The following PPIL2 variants were observed in gnomAD, a reference collection of about 807,000 sequenced individuals.
PPIL2 encodes the protein peptidylprolyl isomerase like 2.
PPIL2 carries 50 observed loss-of-function variants against 75.2 expected under a neutral mutation model. That is an observed-to-expected ratio of 0.66 (90% CI 0.53 to 0.84). The LOEUF (loss-of-function observed/expected upper bound fraction) is 0.84. Among genes scored for constraint, PPIL2 ranks in the 40% least tolerant of loss-of-function variants. The pLI, the probability that PPIL2 is intolerant of heterozygous loss-of-function variation, is 0.00. For missense variants in PPIL2, 590 were observed against 685.0 expected, an observed-to-expected ratio of 0.86 and a Z score of 1.55; for synonymous variants, 245 against 258.8, an observed-to-expected ratio of 0.95 and a Z score of 0.51.
In PPIL2 at chr22:21,692,611, G is replaced by A. The variant is rs967153538; in HGVS notation, c.1140-1205G>A. On this transcript the variant is annotated intron_variant, in intron 15 of 19. Transcript: ENST00000398831. ...TTAGATGTTTTACTTCTGGTCTAAG[G>A]TTAAGAAGGACATCTATTTAAAGTC... Among the ~76,000 whole-genome samples, 4 of 151,468 alleles carry A rather than the reference G, an allele frequency of 2.6e-5. No homozygotes were observed. The East Asian group carries it at 7.8e-4, about 30-fold the overall frequency.
chr22:21,694,553 C>T, intron 16 of PPIL2, 40 bp from the exon 17 acceptor site: 3 of 1,610,028 alleles, frequency 1.9e-6, no homozygotes, highest in Non-Finnish European at 2.5e-6. Context: ...GGGTGCCCTC[C>T]TTGAGCACAC....
intron 6 of PPIL2, among the ~76,000 whole-genome samples, chr22:21,679,914 C>G: frequency 6.6e-6 from 1 of 151,232 alleles, no homozygotes; most frequent in Admixed American, 6.6e-5. Context: ...GGTGAAACCC[C>G]GTCTCTACTA....
At position 21,687,522 on chromosome 22, in the gene PPIL2, C is replaced by G; in HGVS notation, c.898-121C>G. 4 of 708,334 alleles carry G rather than the reference C, an allele frequency of 5.6e-6. No individual in the cohort carries two copies. The South Asian group carries it at 7.3e-5, about 13-fold the overall frequency. 43.9% of individuals were successfully genotyped at this position (708,334 alleles called of 1,614,324 possible). On this transcript the variant is annotated intron_variant, in intron 12 of 19. Transcript: ENST00000398831. ...GAGCCAAGATCGCGCCACAGCACTC[C>G]AGCCTGGGCAACAGCAAGACTCCAC...
At chr22:21,692,418 T>C (rs1055130415) in intron 15 of PPIL2, among the ~76,000 whole-genome samples, 21 of 151,806 alleles carry the variant, frequency 1.4e-4, no homozygotes, top group Non-Finnish European at 2.8e-4. Flanking sequence ...CCTCCCAAAG[T>C]GCTGGGATTA....
At position 21,684,835 on chromosome 22, in the gene PPIL2, C is replaced by T. The variant is rs2067289237; in HGVS notation, c.636C>T (p.Tyr212=). 1.2e-6 allele frequency: 2 copies of T among 1,614,138 alleles called. No individual in the cohort carries two copies. Among genetic ancestry groups the T allele is most frequent in the East Asian group, 2.2e-5 (1 of 44,878 alleles). Residue 212 remains tyrosine (Y), a synonymous_variant, in exon 10 of 20, where the codon TAC becomes TAT. Transcript: ENST00000398831. ...CCCGAGAGACCCTGCAGGAGCTCTA[C>T]AAGGAGTTCAAAGGGGACGAGATTC... ...AETRETLQEL[Y]KEFKGDEILA...
At chr22:21,666,670 G>A (rs1275456177) in intron 1 of PPIL2, among the ~76,000 whole-genome samples, 2 of 152,044 alleles carry the variant, frequency 1.3e-5, no homozygotes, top group East Asian at 3.9e-4. Flanking sequence ...TTAGCGGGGC[G>A]TGGTGACGGG....
chr22:21,686,709 G>T (rs2067378024), intron 11 of PPIL2, 151 bp downstream of exon 11: 2 of 1,045,032 alleles, frequency 1.9e-6, no homozygotes, highest in Non-Finnish European at 2.9e-6. Context: ...CTGAACCCCT[G>T]CCAGCCCCAT....
intron 6 of PPIL2, among the ~76,000 whole-genome samples, chr22:21,676,190 C>T (rs1203088849): frequency 3.3e-5 from 5 of 151,814 alleles, no homozygotes; most frequent in Admixed American, 6.6e-5. Flanking sequence ...GTGGAGGACA[C>T]GGCGCTCCAC....
At position 21,682,478 on chromosome 22, in the gene PPIL2, C is replaced by T. The variant is rs767180148; in HGVS notation, c.429C>T (p.Asp143=). ...QLNIKAKNFR[D]LLTDEPFSRQ... ...ATATCAAGGCCAAGAACTTCCGGGA[C>T]CTGCTGACCGACGAGCCCTTCTCCC... Residue 143 remains aspartate (D), a synonymous_variant, in exon 8 of 20, where the codon GAC becomes GAT. Coordinates refer to ENST00000398831, the MANE Select transcript of PPIL2 (RefSeq NM_014337.4). 6.2e-6 allele frequency: 10 copies of T among 1,614,040 alleles called. No homozygotes were observed. The Admixed American group carries it at 1.3e-4, about 22-fold the overall frequency.
chr22:21,690,170 C>T (rs765766882), intron 15 of PPIL2, among the ~76,000 whole-genome samples: 6 of 151,976 alleles, frequency 3.9e-5, no homozygotes, highest in Middle Eastern at 3.2e-3. Flanking sequence ...ATTGCCTGAG[C>T]CCAGGAATTC....
intron 5 of PPIL2, 83 bp from the exon 6 acceptor site, chr22:21,674,981 T>C (rs2066777144): frequency 7.6e-7 from 1 of 1,317,020 alleles, no homozygotes; most frequent in Non-Finnish European, 1.1e-6. Flanking sequence ...GTCAGAGACT[T>C]TTCCTGCCTG....
chr22:21,696,685 C>A lies in PPIL2; in HGVS notation c.*1195C>A. 6.5e-7 allele frequency: 1 copy of A among 1,534,168 alleles called. No homozygotes were observed. The highest frequency in any genetic ancestry group is 2.4e-5 in the East Asian group (1 of 41,022). Reference sequence around the variant, plus strand: ...CCACTTCTAGTTCTTCACACTAAGCCCTAACTTAGGCCTTGTTCTTGGTTT... The same window carrying A: ...CCACTTCTAGTTCTTCACACTAAGCACTAACTTAGGCCTTGTTCTTGGTTT... On this transcript the variant is annotated 3_prime_UTR_variant, in exon 20 of 20. Transcript: ENST00000398831.
At chr22:21,682,256 C>T (rs1421143848) in intron 7 of PPIL2, among the ~76,000 whole-genome samples, 181 bp from the exon 8 acceptor site, 1 of 152,208 alleles carries the variant, frequency 6.6e-6, no homozygotes, top group African/African-American at 2.4e-5. Flanking sequence ...TGAGGCCCAG[C>T]CAGCTCCGCC....
intron 10 of PPIL2, among the ~76,000 whole-genome samples, 179 bp downstream of exon 10, chr22:21,685,092 G>T (rs887088188): frequency 6.6e-6 from 1 of 152,252 alleles, no homozygotes; most frequent in African/African-American, 2.4e-5. Flanking sequence ...CCCTGGGGCT[G>T]CCCTGAGGCA....
chr22:21,695,337 C>G, intron 19 of PPIL2, 57 bp from the exon 20 acceptor site: 1 of 1,543,274 alleles, frequency 6.5e-7, no homozygotes, highest in Non-Finnish European at 8.8e-7. Context: ...GAGACACAGA[C>G]AAGTCAGGAG....
intron 19 of PPIL2, 111 bp downstream of exon 19, chr22:21,695,181 C>T (rs558687083): frequency 1.7e-5 from 25 of 1,432,160 alleles, no homozygotes; most frequent in Admixed American, 5.1e-5. Flanking sequence ...TGGTCCCGGC[C>T]GTGGGCTTGT....
At position 21,683,274 on chromosome 22, in the gene PPIL2, G is replaced by A. The variant is rs1469669739; in HGVS notation, c.553+17G>A. On this transcript the variant is annotated intron_variant, in intron 9 of 19. Coordinates refer to ENST00000398831, the MANE Select transcript of PPIL2 (RefSeq NM_014337.4). ...TAGACCCAGGTATGTACACCTAGGG[G>A]CTGGGCTAGGCGAGGGGGCTTTTGG... 1.3e-6 allele frequency: 2 copies of A among 1,590,512 alleles called. No homozygotes were observed. Among genetic ancestry groups the A allele is most frequent in the East Asian group, 4.5e-5 (2 of 44,780 alleles).
downstream of PPIL2, chr22:21,698,680 A>AGTCT (rs1197027844): frequency 1.3e-5 from 2 of 152,408 alleles, no homozygotes; most frequent in African/African-American, 2.4e-5. Context: ...GCCTCTTCAC[A>AGTCT]GTCTCAAGAC....
Position 21,669,887 on chromosome 22 carries a change from T to TAGC in PPIL2, c.33-24_33-22dup. On this transcript the variant is annotated intron_variant, in intron 1 of 19. Coordinates refer to ENST00000398831, the MANE Select transcript of PPIL2 (RefSeq NM_014337.4). Reference sequence around the variant, plus strand: ...GTCCTCTTTATAAAGGTGGTGGTGGTAGCATTATCTTCCTCTCTTCTTCAG... The same window carrying TAGC: ...GTCCTCTTTATAAAGGTGGTGGTGGTAGCAGCATTATCTTCCTCTCTTCTTCAG... The TAGC allele has an allele frequency of 3.7e-6, 6 of 1,607,608 alleles. No homozygotes were observed. In the East Asian group the frequency reaches 1.3e-4, roughly 36 times the overall value.
Sources: allele counts gnomAD v4.1 joint callset (sites outside exome capture counted in the v4.1 genomes callset), GRCh38; gene constraint gnomAD v4.1.1; transcripts MANE v1.5; gene names NCBI Gene and HGNC (gene_info 2026-07-23, HGNC 2026-07-21).